Variants in MEG3 observed in about 807,000 individuals in gnomAD.
MEG3 encodes the protein maternally expressed 3.
At chr14:100,855,128 G>C (rs936939984), upstream of MEG3, 4 of 152,606 alleles carry the variant, frequency 2.6e-5, no homozygotes, top group African/African-American at 9.7e-5. Flanking sequence ...ACTGAGCACT[G>C]TTTGCCCGTG....
chr14:100,857,517 C>A (rs538711289), exon 1 of MEG3: 1 of 152,326 alleles, frequency 6.6e-6, no homozygotes, highest in South Asian at 2.1e-4. Flanking sequence ...CCTGACCTTA[C>A]GCTGGGATTG....
chr14:100,828,421 C>A (rs1361832604), intron 1 of MEG3, among the ~76,000 whole-genome samples: 2 of 145,826 alleles, frequency 1.4e-5, no homozygotes, highest in Non-Finnish European at 3.0e-5. Context: ...TATTTTTCTT[C>A]TCCCTCCTCC....
In MEG3 at chr14:100,845,636, G is replaced by A. The variant is rs1487203952; in HGVS notation, n.3121+103G>A. The A allele has an allele frequency of 3.5e-5, 14 of 394,966 alleles. No individual in the cohort carries two copies. The highest frequency in any genetic ancestry group is 8.4e-5 in the Admixed American group (3 of 35,742). The allele number at this position is 394,966 out of a possible 1,614,324, so 24.5% of individuals were successfully genotyped here. A position where few individuals can be genotyped will look rare whatever the true frequency, so the allele number is the denominator to read the frequency against. On this transcript the variant is annotated intron_variant and non_coding_transcript_variant, in intron 3 of 3. Coordinates refer to the MEG3 transcript ENST00000398461. This position sits in a 1 kb window ranked among gnomAD's most constrained non-coding sequence, Gnocchi z 5.2. ...AGGCGGACCTCGTGGAGGGGCTGGC[G>A]GGCACTGGCCGGGGGTCTGTGCACC...
At chr14:100,850,909 G>A (rs2038052732) in intron 3 of MEG3, 1 of 152,300 alleles carries the variant, frequency 6.6e-6, no homozygotes, top group Non-Finnish European at 1.5e-5. Context: ...AAGAGAGGAA[G>A]GAACCTTCTT....
At chr14:100,838,987 C>T (rs1052737710) in intron 2 of MEG3, among the ~76,000 whole-genome samples, 2 of 152,170 alleles carry the variant, frequency 1.3e-5, no homozygotes, top group Non-Finnish European at 2.9e-5. Flanking sequence ...ATGTCAAAAC[C>T]TGGCAAGACT....
intron 3 of MEG3, chr14:100,851,468 G>T (rs2038073481): frequency 6.6e-6 from 1 of 152,244 alleles, no homozygotes; most frequent in African/African-American, 2.4e-5. Flanking sequence ...CTGAGAAGGG[G>T]GACCCAGAAG....
At chr14:100,826,109 G>A (rs1329517126) in intron 1 of MEG3, 1 of 152,238 alleles carries the variant, frequency 6.6e-6, no homozygotes, top group Admixed American at 6.5e-5. Context: ...CACCCAGCCA[G>A]CCCCTAGCGC....
chr14:100,839,336 C>T (rs951990699), intron 2 of MEG3, among the ~76,000 whole-genome samples: 1 of 152,158 alleles, frequency 6.6e-6, no homozygotes, highest in African/African-American at 2.4e-5. Context: ...GGACTGGTTC[C>T]CCCTCCCTGC....
chr14:100,852,671 CATGT>C (rs2038118633), upstream of MEG3: 3 of 267,512 alleles, frequency 1.1e-5, no homozygotes, highest in Non-Finnish European at 2.3e-5. Context: ...CAAAAGAACT[CATGT>C]ACGGCTGTTA....
At chr14:100,854,774 C>T (rs976473309), upstream of MEG3, 6 of 152,710 alleles carry the variant, frequency 3.9e-5, no homozygotes, top group African/African-American at 1.4e-4. Flanking sequence ...CATTTTCCCA[C>T]CTCTTAGGGG....
At chr14:100,834,754 G>A (rs2037507823) in exon 1 of MEG3, 1 of 456,664 alleles carries the variant, frequency 2.2e-6, no homozygotes, top group Non-Finnish European at 4.4e-6. Context: ...TTCGCCAGGT[G>A]AGTGAATGAA....
At chr14:100,842,554 G>C (rs2037792441) in intron 2 of MEG3, among the ~76,000 whole-genome samples, 2 of 152,184 alleles carry the variant, frequency 1.3e-5, no homozygotes, top group African/African-American at 4.8e-5. Context: ...AGTTGTAAGG[G>C]GGTGGTGTTT....
chr14:100,836,676 G>T (rs1198153189), intron 2 of MEG3, among the ~76,000 whole-genome samples: 1 of 152,002 alleles, frequency 6.6e-6, no homozygotes, highest in African/African-American at 2.4e-5. Flanking sequence ...GCCCACACCC[G>T]GCCCAGGGAC....
intron 1 of MEG3, chr14:100,836,130 G>C (rs775151187): frequency 3.8e-5 from 16 of 426,362 alleles, no homozygotes; most frequent in South Asian, 2.2e-4. Flanking sequence ...CGGGGCGCTT[G>C]CCTTGCCATG....
chr14:100,860,849 C>G (rs949832060), exon 2 of MEG3: 2 of 366,056 alleles, frequency 5.5e-6, no homozygotes, highest in Non-Finnish European at 1.1e-5. Flanking sequence ...CTGCCCACCC[C>G]GCAGGAACCC....
At chr14:100,840,965 T>C (rs1009145733) in intron 2 of MEG3, among the ~76,000 whole-genome samples, 2 of 152,026 alleles carry the variant, frequency 1.3e-5, no homozygotes, top group East Asian at 1.9e-4. Context: ...GGACATAGAG[T>C]GATTCCCTAC....
upstream of MEG3, chr14:100,855,100 C>G (rs537495248): frequency 6.6e-6 from 1 of 152,654 alleles, no homozygotes; most frequent in Non-Finnish European, 1.5e-5. Flanking sequence ...TTCTGCCCAC[C>G]CATCCCTCTA....
chr14:100,859,638 T>C (rs2038346537), exon 1 of MEG3: 1 of 151,968 alleles, frequency 6.6e-6, no homozygotes, highest in Admixed American at 6.6e-5. Context: ...GACGCAGCTT[T>C]AGACATCCAG....
chr14:100,852,496 T>A (rs747981449), upstream of MEG3: 4 of 507,218 alleles, frequency 7.9e-6, no homozygotes, highest in Non-Finnish European at 1.2e-5. Context: ...TTCTTCTCTT[T>A]CAGAATCTGG....
Sources: allele counts gnomAD v4.1 joint callset (sites outside exome capture counted in the v4.1 genomes callset), GRCh38; gene constraint gnomAD v4.1.1; non-coding constraint Gnocchi (gnomAD v3.1); transcripts MANE v1.5; gene names NCBI Gene and HGNC (gene_info 2026-07-23, HGNC 2026-07-21).